KCNAB1: variants seen among roughly 807,000 people sequenced by gnomAD.
The protein encoded by KCNAB1 is voltage-gated potassium channel subunit beta-1.
KCNAB1 carries 35 observed loss-of-function variants against 64.6 expected under a neutral mutation model. The observed-to-expected ratio is 0.54, with a 90% CI of 0.41 to 0.72. KCNAB1 has a LOEUF of 0.72. KCNAB1 is among the 30% of genes least tolerant of loss of function. The pLI is 0.00. For missense variants in KCNAB1, 401 were observed against 512.9 expected (o/e 0.78, Z 2.11); for synonymous variants, 177 against 183.8 (o/e 0.96, Z 0.30).
intron 8 of KCNAB1, among the ~76,000 whole-genome samples, chr3:156,485,334 C>T (rs1715123985): frequency 6.6e-6 from 1 of 152,014 alleles, no homozygotes. Flanking sequence ...CTACATTTAC[C>T]AAATTGTGCC....
At chr3:156,309,232 C>T (rs1186574047) in intron 1 of KCNAB1, among the ~76,000 whole-genome samples, 2 of 152,292 alleles carry the variant, frequency 1.3e-5, no homozygotes, top group South Asian at 2.1e-4. Context: ...GTGTCTCTGA[C>T]ACTGGAAATA....
intron 1 of KCNAB1, among the ~76,000 whole-genome samples, chr3:156,325,328 G>A (rs1722899398): frequency 6.6e-6 from 1 of 152,100 alleles, no homozygotes; most frequent in Admixed American, 6.6e-5. Context: ...GGGTCCCACT[G>A]TAGTGTTCAT....
intron 1 of KCNAB1, chr3:156,291,408 C>T (rs959869916): frequency 1.6e-5 from 16 of 998,826 alleles, no homozygotes; most frequent in Admixed American, 5.3e-5. Context: ...GCCAGTTGAG[C>T]ATCCTGCCTG....
chr3:156,247,705 G>A lies in KCNAB1; in HGVS notation c.275+126819G>A, dbSNP rs570697843. Among the ~76,000 whole-genome samples, 166 of 152,228 alleles carry A rather than the reference G, an allele frequency of 1.1e-3. 1 individual carries two copies. Among genetic ancestry groups the A allele is most frequent in the African/African-American group, 3.8e-3 (158 of 41,540 alleles). ...AGCCTCCCAGATAGCTAGGACTACAGGCATGAACCACCATGCCCCACTAAT... is the reference window on the plus strand; with the variant it reads ...AGCCTCCCAGATAGCTAGGACTACAAGCATGAACCACCATGCCCCACTAAT... On this transcript the variant is annotated intron_variant, in intron 1 of 13. Coordinates refer to ENST00000490337, the MANE Select transcript of KCNAB1 (RefSeq NM_172160.3).
At chr3:156,267,717 C>G (rs1814218) in intron 1 of KCNAB1, among the ~76,000 whole-genome samples, 66,885 of 151,854 alleles carry the variant, frequency 0.44, 16,120 homozygotes, top group East Asian at 0.77. Context: ...CTTTTCTGCC[C>G]TTACTGCCCA....
chr3:156,438,181 G>C (rs1716720715), intron 2 of KCNAB1, among the ~76,000 whole-genome samples: 1 of 152,172 alleles, frequency 6.6e-6, no homozygotes, highest in Admixed American at 6.5e-5. Context: ...AGGTGGCCTG[G>C]CTCCCCACCT....
chr3:156,362,514 C>T (rs1407965557), intron 1 of KCNAB1, among the ~76,000 whole-genome samples: 1 of 152,116 alleles, frequency 6.6e-6, no homozygotes, highest in Non-Finnish European at 1.5e-5. Context: ...CTTACTTAGG[C>T]TATCTAGCTC....
intron 2 of KCNAB1, among the ~76,000 whole-genome samples, chr3:156,431,957 T>G (rs1489774265): frequency 6.6e-6 from 1 of 152,192 alleles, no homozygotes; most frequent in Non-Finnish European, 1.5e-5. Flanking sequence ...AAGACTTCAG[T>G]CTCTCAAGAC....
rs1332194694 is a variant in KCNAB1, at chr3:156,368,617, A to G, written c.276-52999A>G. Among the ~76,000 whole-genome samples the G allele has an allele frequency of 3.9e-5, 6 of 152,204 alleles. No individual in the cohort carries two copies. The South Asian group carries it at 6.2e-4, about 16-fold the overall frequency. On this transcript the variant is annotated intron_variant, in intron 1 of 13. Coordinates refer to ENST00000490337, the MANE Select transcript of KCNAB1 (RefSeq NM_172160.3). ...ATAAAGCTTGCCTTGGAATAGCAGC[A>G]TGGTAGAATGGCATCAATGTGCCTG...
At chr3:156,211,065 A>T (rs946427912) in intron 1 of KCNAB1, among the ~76,000 whole-genome samples, 1 of 152,164 alleles carries the variant, frequency 6.6e-6, no homozygotes, top group Non-Finnish European at 1.5e-5. Flanking sequence ...TTGGTGTCAA[A>T]CAGAGATTTG....
chr3:156,488,295 TAAA>T (rs63550661), intron 8 of KCNAB1, among the ~76,000 whole-genome samples: 8 of 140,890 alleles, frequency 5.7e-5, no homozygotes, highest in African/African-American at 1.8e-4. Flanking sequence ...ATGGGTGCTA[TAAA>T]AAAAAAAAAA....
intron 1 of KCNAB1, among the ~76,000 whole-genome samples, chr3:156,325,709 T>C (rs1722931263): frequency 6.6e-6 from 1 of 151,976 alleles, no homozygotes. Flanking sequence ...TCCCATCTCT[T>C]AGGGAGGCAG....
chr3:156,244,649 C>T (rs982120189), intron 1 of KCNAB1, among the ~76,000 whole-genome samples: 1 of 152,154 alleles, frequency 6.6e-6, no homozygotes, highest in African/African-American at 2.4e-5. Context: ...CCCTAATACA[C>T]TTTTAGTGGC....
chr3:156,338,392 C>A (rs963921279), intron 1 of KCNAB1, among the ~76,000 whole-genome samples: 1 of 142,610 alleles, frequency 7.0e-6, no homozygotes, highest in Non-Finnish European at 1.5e-5. Flanking sequence ...CTCACCGCAA[C>A]CTCCGCCTCC....
chr3:156,392,636 T>C (rs1377078360), intron 1 of KCNAB1, among the ~76,000 whole-genome samples: 1 of 152,230 alleles, frequency 6.6e-6, no homozygotes, highest in Non-Finnish European at 1.5e-5. Context: ...TGAAATATCC[T>C]TATCAGATTA....
chr3:156,356,054 C>G (rs1205028194), intron 1 of KCNAB1, among the ~76,000 whole-genome samples: 1 of 146,256 alleles, frequency 6.8e-6, no homozygotes, highest in South Asian at 2.2e-4. Context: ...CCTGGGAGGT[C>G]GAGGCTACAG....
intron 1 of KCNAB1, among the ~76,000 whole-genome samples, chr3:156,249,560 TA>T (rs5853747): frequency 0.79 from 113,562 of 144,010 alleles, 44,815 homozygotes; most frequent in East Asian, 0.97. Flanking sequence ...AGACTCTGTC[TA>T]AAAAAAAAAG....
chr3:156,491,866 A>C (rs935257826), intron 8 of KCNAB1, among the ~76,000 whole-genome samples: 1 of 152,140 alleles, frequency 6.6e-6, no homozygotes, highest in African/African-American at 2.4e-5. Context: ...GGAAACAATA[A>C]AAAGAACAGA....
In KCNAB1 at chr3:156,514,307, G is replaced by A. The variant is rs41267917; in HGVS notation, c.659-57G>A. ...AGCTTTGGCTAGAGGAGTAAAAATC[G>A]CATAACTTTGAAAAGTAGACAAATT... On this transcript the variant is annotated intron_variant, in intron 8 of 13. Transcript: ENST00000490337. 11,903 of 1,375,712 alleles carry A rather than the reference G, an allele frequency of 8.7e-3. 299 individuals are homozygous for A. The highest frequency in any genetic ancestry group is 0.048 in the South Asian group (4,097 of 85,878). The allele number at this position is 1,375,712 out of a possible 1,614,324, so 85.2% of individuals were successfully genotyped here.
Sources: allele counts gnomAD v4.1 joint callset (sites outside exome capture counted in the v4.1 genomes callset), GRCh38; gene constraint gnomAD v4.1.1; transcripts MANE v1.5; gene names NCBI Gene and HGNC (gene_info 2026-07-23, HGNC 2026-07-21).